EFCAB12: variants seen among roughly 807,000 people sequenced by gnomAD.
The protein encoded by EFCAB12 is EF-hand calcium binding domain 12, also known as EF-hand calcium-binding domain-containing protein 12.
In EFCAB12, 43 loss-of-function variants were observed where a neutral mutation model predicts 53.6. The ratio of observed to expected loss-of-function variants is 0.80; its 90% confidence interval spans 0.63 to 1.03. EFCAB12 has a LOEUF of 1.03. Among genes scored for constraint, EFCAB12 ranks in the 50% least tolerant of loss-of-function variants. EFCAB12 has a pLI of 0.00. For synonymous variants in EFCAB12, 269 were observed against 289.2 expected (o/e 0.93, Z 0.71); for missense variants, 646 against 730.6 (o/e 0.88, Z 1.34).
At chr3:129,420,525 T>C (rs2072175329) in intron 2 of EFCAB12, among the ~76,000 whole-genome samples, 1 of 152,168 alleles carries the variant, frequency 6.6e-6, no homozygotes, top group African/African-American at 2.4e-5. Flanking sequence ...TATTTCCACA[T>C]TTGTAAAAGG....
chr3:129,415,267 G>C lies in EFCAB12; in HGVS notation c.816C>G (p.Ser272Arg), dbSNP rs1341506458. The change falls in exon 4 of 9, where the codon AGC (serine) becomes AGG (arginine). Residue 272 changes from serine to arginine, a missense_variant. By Grantham distance (110) the Ser-to-Arg change is moderately radical (BLOSUM62 -1). Coordinates refer to ENST00000505956, the MANE Select transcript of EFCAB12 (RefSeq NM_207307.3). ...YKQWSMAQQR[S>R]SLATAREHYI... ...CACGCTCCCTTGCAGTGGCCAGGCTGCTCCTTTGCTGAGCCATAGACCACT... is the reference window on the plus strand; with the variant it reads ...CACGCTCCCTTGCAGTGGCCAGGCTCCTCCTTTGCTGAGCCATAGACCACT... The C allele has an allele frequency of 6.2e-7, 1 of 1,610,220 alleles. No homozygotes were observed. The highest frequency in any genetic ancestry group is 8.5e-7 in the Non-Finnish European group (1 of 1,178,944).
At chr3:129,426,824 A>T (rs1280543905) in intron 1 of EFCAB12, among the ~76,000 whole-genome samples, 1 of 146,278 alleles carries the variant, frequency 6.8e-6, no homozygotes, top group Non-Finnish European at 1.5e-5. Flanking sequence ...CTACAGGTGC[A>T]TGCCATTAAG....
chr3:129,404,482 G>GTT, intron 6 of EFCAB12, 79 bp from the exon 7 acceptor site: 2 of 1,311,406 alleles, frequency 1.5e-6, no homozygotes, highest in East Asian at 2.7e-5. Flanking sequence ...GTCAGAGGAG[G>GTT]TGTTTTTTTT....
chr3:129,414,182 G>T (rs1306846156), intron 4 of EFCAB12: 1 of 152,220 alleles, frequency 6.6e-6, no homozygotes, highest in Non-Finnish European at 1.5e-5. Flanking sequence ...CTGCTTGGGA[G>T]GTGATAGTTT....
chr3:129,408,634 G>A lies in EFCAB12; in HGVS notation c.1249+11C>T, dbSNP rs745957735. On this transcript the variant is annotated intron_variant, in intron 6 of 8. Transcript: ENST00000505956. ...TGGCATCTTCCTAGGGCCAGCTACC[G>A]AGGCCCTTACCTTTCATGAGGATGT... The A allele has an allele frequency of 4.0e-5, 62 of 1,558,254 alleles. No individual in the cohort carries two copies. The highest frequency in any genetic ancestry group is 3.6e-4 in the East Asian group (15 of 41,640).
At chr3:129,409,698 G>C (rs2072005696) in intron 5 of EFCAB12, among the ~76,000 whole-genome samples, 2 of 151,250 alleles carry the variant, frequency 1.3e-5, no homozygotes, top group South Asian at 2.1e-4. Flanking sequence ...ATAAAGTTTT[G>C]TTGGAGCACA....
Position 129,404,355 on chromosome 3 carries a change from C to G in EFCAB12, c.1298G>C (p.Cys433Ser). The G allele has an allele frequency of 1.9e-6, 3 of 1,613,836 alleles. No individual in the cohort carries two copies. The highest frequency in any genetic ancestry group is 2.5e-6 in the Non-Finnish European group (3 of 1,179,872). ...DKIIFQMDKV[C>S]PIRQPGGYYS... is the part of the protein sequence containing the mutation. Reference sequence around the variant, plus strand: ...GTAGCCTCCCGGCTGCCGGATGGGGCACACTTTGTCCATCTGGAAAATGAT... The same window carrying G: ...GTAGCCTCCCGGCTGCCGGATGGGGGACACTTTGTCCATCTGGAAAATGAT... The change falls in exon 7 of 9, where the codon TGC becomes TCC. Residue 433 changes from cysteine to serine, a missense_variant. Coordinates refer to ENST00000505956, the MANE Select transcript of EFCAB12 (RefSeq NM_207307.3).
chr3:129,410,582 C>T (rs550177901), intron 5 of EFCAB12, among the ~76,000 whole-genome samples: 1 of 152,260 alleles, frequency 6.6e-6, no homozygotes, highest in African/African-American at 2.4e-5. Context: ...CCTCTCAAAG[C>T]GCTGGGCTAA....
Position 129,415,289 on chromosome 3 carries a change from C to T in EFCAB12, c.794G>A (p.Trp265Ter). 1 of 1,612,770 alleles carries T rather than the reference C, an allele frequency of 6.2e-7. No individual in the cohort carries two copies. The highest frequency in any genetic ancestry group is 8.5e-7 in the Non-Finnish European group (1 of 1,179,714). The change falls in exon 4 of 9, where the codon TGG (tryptophan) becomes TAG (stop). Residue 265 changes from tryptophan to a stop codon, truncating the protein, a stop_gained. Transcript: ENST00000505956. LOFTEE classifies it high-confidence loss of function. The part of the protein sequence containing the change: ...MDILANTYKQ[W>*]SMAQQRSSLA... ...GCTGCTCCTTTGCTGAGCCATAGACCACTGCTTGTAGGTATTGGCCAGGAT... is the reference window on the plus strand; with the variant it reads ...GCTGCTCCTTTGCTGAGCCATAGACTACTGCTTGTAGGTATTGGCCAGGAT...
At chr3:129,426,351 TTTTTTTTG>T (rs1559793990) in intron 1 of EFCAB12, among the ~76,000 whole-genome samples, 3 of 137,882 alleles carry the variant, frequency 2.2e-5, no homozygotes, top group Non-Finnish European at 3.0e-5. Flanking sequence ...CTTACAGGGT[TTTTTTTTG>T]TTTTTTTTTT....
At chr3:129,415,531 A>C in intron 3 of EFCAB12, 130 bp from the exon 4 acceptor site, 1 of 1,138,124 alleles carries the variant, frequency 8.8e-7, no homozygotes, top group Non-Finnish European at 1.2e-6. Context: ...TCCCTACTAT[A>C]CCCAAGGTCC....
chr3:129,415,235 G>T lies in EFCAB12; in HGVS notation c.838+10C>A. The T allele has an allele frequency of 6.3e-7, 1 of 1,582,904 alleles. No homozygotes were observed. Among genetic ancestry groups the T allele is most frequent in the South Asian group, 1.1e-5 (1 of 87,086 alleles). On this transcript the variant is annotated intron_variant, in intron 4 of 8. Transcript: ENST00000505956. ...GGAGGTGGAGGCACAGGATGGGGAG[G>T]GGTACGCACGCTCCCTTGCAGTGGC...
At chr3:129,403,146 C>A (rs1450759766) in intron 7 of EFCAB12, 1 of 153,048 alleles carries the variant, frequency 6.5e-6, no homozygotes, top group Admixed American at 6.5e-5. Context: ...TATGGCCTAC[C>A]TAAGCATGGA....
At chr3:129,419,416 G>A (rs1330142824) in intron 2 of EFCAB12, among the ~76,000 whole-genome samples, 5 of 152,192 alleles carry the variant, frequency 3.3e-5, no homozygotes, top group African/African-American at 4.8e-5. Flanking sequence ...TCAACATAAT[G>A]GTATTAACAG....
chr3:129,427,499 A>C (rs1274179124), intron 1 of EFCAB12, among the ~76,000 whole-genome samples: 2 of 152,072 alleles, frequency 1.3e-5, no homozygotes, highest in Non-Finnish European at 2.9e-5. Flanking sequence ...AGTTCCCTCT[A>C]GCCTGGGCCT....
In EFCAB12 at chr3:129,421,648, T is replaced by C. The variant is rs1219039552; in HGVS notation, c.205A>G (p.Thr69Ala). 1.9e-6 allele frequency: 3 copies of C among 1,613,852 alleles called. No individual in the cohort carries two copies. The African/African-American group carries it at 4.0e-5, about 22-fold the overall frequency. ...GGTTGGGATGCAGGATTAAGGGGTG[T>C]CTGATCCTCCTTGCGAGGCACCATG... is the stretch of plus-strand genomic sequence containing the variant. ...IIMVPRKEDQ[T>A]PLNPASQPQA... Residue 69 changes from threonine to alanine, a missense_variant, in exon 2 of 9, where the codon ACA becomes GCA. Coordinates refer to ENST00000505956, the MANE Select transcript of EFCAB12 (RefSeq NM_207307.3).
intron 1 of EFCAB12, among the ~76,000 whole-genome samples, chr3:129,426,033 A>G (rs1162419208): frequency 6.6e-6 from 1 of 152,200 alleles, no homozygotes; most frequent in Non-Finnish European, 1.5e-5. Flanking sequence ...CAGACAGCCT[A>G]TAGGTGTCTG....
chr3:129,401,426 G>T lies in EFCAB12; in HGVS notation c.*167C>A. On this transcript the variant is annotated 3_prime_UTR_variant, in exon 9 of 9. Coordinates refer to ENST00000505956, the MANE Select transcript of EFCAB12 (RefSeq NM_207307.3). ...TTCCTTGGACACATCTACCCTCTGA[G>T]ACACTGGACACTTTGAGTCCAGAGG... 1.1e-6 allele frequency: 1 copy of T among 928,116 alleles called. No homozygotes were observed. Among genetic ancestry groups the T allele is most frequent in the Non-Finnish European group, 1.6e-6 (1 of 642,946 alleles). 57.5% of individuals were successfully genotyped at this position (928,116 alleles called of 1,614,324 possible).
At chr3:129,428,310 G>C (rs2072295086) in intron 1 of EFCAB12, 130 bp downstream of exon 1, 1 of 1,277,274 alleles carries the variant, frequency 7.8e-7, no homozygotes, top group East Asian at 2.5e-5. Flanking sequence ...ACCTGCCCCC[G>C]ACTCCATGGC....
Sources: gnomAD v4.1 joint callset for allele counts (sites outside exome capture counted in the v4.1 genomes callset) on GRCh38, gnomAD v4.1.1 for gene constraint, MANE v1.5 for transcripts, NCBI Gene and HGNC (gene_info 2026-07-23, HGNC 2026-07-21) for gene names.